The following MCM10 variants were observed in gnomAD, a reference collection of about 807,000 sequenced individuals.
MCM10 encodes the protein protein MCM10 homolog.
Under a neutral mutation model 109.9 loss-of-function variants are expected in MCM10, and 91 were observed. That is an observed-to-expected ratio of 0.83 (90% CI 0.70 to 0.99). The LOEUF (loss-of-function observed/expected upper bound fraction) is 0.99, where lower values mean the gene tolerates loss of function less well. MCM10 is among the 50% of genes least tolerant of loss of function. MCM10 has a pLI of 0.00. For missense variants in MCM10, 1,077 were observed against 1,061.2 expected (o/e 1.01, Z -0.21); for synonymous variants, 380 against 387.2 (o/e 0.98, Z 0.22).
At chr10:13,177,063 A>C (rs571059497) in intron 6 of MCM10, among the ~76,000 whole-genome samples, 1,564 of 152,330 alleles carry the variant, frequency 0.01, 24 homozygotes, top group African/African-American at 0.035. Flanking sequence ...AATTGCCCCC[A>C]CCTGAGATGC....
intron 8 of MCM10, 126 bp downstream of exon 8, chr10:13,183,226 G>C: frequency 9.6e-7 from 1 of 1,044,188 alleles, no homozygotes; most frequent in South Asian, 1.7e-5. Flanking sequence ...GGAGGCCAAA[G>C]CGGGAGGATC....
chr10:13,167,446 G>A (rs1834015942), intron 2 of MCM10, among the ~76,000 whole-genome samples: 1 of 152,184 alleles, frequency 6.6e-6, no homozygotes, highest in Non-Finnish European at 1.5e-5. Context: ...TTGCTGTGAT[G>A]AGTTGGAGTT....
chr10:13,169,972 C>T (rs1268875103), intron 2 of MCM10, among the ~76,000 whole-genome samples: 1 of 152,234 alleles, frequency 6.6e-6, no homozygotes, highest in African/African-American at 2.4e-5. Flanking sequence ...TCCCCAAGTG[C>T]TGGGATTACA....
intron 11 of MCM10, among the ~76,000 whole-genome samples, chr10:13,191,779 G>A (rs1466966885): frequency 6.6e-6 from 1 of 152,092 alleles, no homozygotes; most frequent in Non-Finnish European, 1.5e-5. Context: ...AAATTTCTTG[G>A]TGTATCTGGG....
chr10:13,180,750 G>A (rs1834200154), intron 7 of MCM10, 143 bp downstream of exon 7: 1 of 964,142 alleles, frequency 1.0e-6, no homozygotes, highest in Non-Finnish European at 1.6e-6. Context: ...ACATCATTGA[G>A]TTGGTATCCA....
intron 9 of MCM10, among the ~76,000 whole-genome samples, chr10:13,186,583 G>C (rs1834277163): frequency 6.6e-6 from 1 of 152,114 alleles, no homozygotes; most frequent in African/African-American, 2.4e-5. Flanking sequence ...GAAATACAAT[G>C]AAAATTGTAT....
chr10:13,174,851 G>A (rs180812420), intron 5 of MCM10, among the ~76,000 whole-genome samples: 55 of 152,254 alleles, frequency 3.6e-4, no homozygotes, highest in Middle Eastern at 3.4e-3. Context: ...AATCCTGGCC[G>A]GGGGCGGTGG....
At chr10:13,205,855 G>A (rs1177612628) in intron 18 of MCM10, among the ~76,000 whole-genome samples, 1 of 152,090 alleles carries the variant, frequency 6.6e-6, no homozygotes, top group African/African-American at 2.4e-5. Flanking sequence ...TTTACTTTTG[G>A]GGGCAACATC....
Position 13,182,715 on chromosome 10 carries a change from A to C in MCM10, c.931-218A>C, listed in dbSNP as rs1288046408. On this transcript the variant is annotated intron_variant, in intron 7 of 19. Coordinates refer to ENST00000378714, the MANE Select transcript of MCM10 (RefSeq NM_018518.5). The surrounding 1 kb of genome is among the most constrained non-coding windows in gnomAD (Gnocchi z 4.2). ...GTTTGCCACTGGCTTGCTTTATTTC[A>C]CTTTCATCTCTAAAATGAGAAGGGT... is the stretch of plus-strand genomic sequence containing the variant. 6.6e-6 allele frequency among the ~76,000 whole-genome samples: 1 copy of C among 152,080 alleles called. No individual in the cohort carries two copies. Among genetic ancestry groups the C allele is most frequent in the Non-Finnish European group, 1.5e-5 (1 of 68,010 alleles).
chr10:13,166,145 C>T (rs1833994206), intron 2 of MCM10, among the ~76,000 whole-genome samples: 1 of 151,908 alleles, frequency 6.6e-6, no homozygotes. Context: ...ACTGGGGATT[C>T]AGGAGCCAGA....
chr10:13,197,904 A>T, intron 15 of MCM10, 137 bp downstream of exon 15: 2 of 828,988 alleles, frequency 2.4e-6, no homozygotes, highest in Non-Finnish European at 3.5e-6. Context: ...TAGAATTTCT[A>T]TGGGTGGAAC....
rs1019504232 is a variant in MCM10 at position 13,210,852 on chromosome 10, C to T, written c.*1542C>T. On this transcript the variant is annotated 3_prime_UTR_variant, in exon 20 of 20. Transcript: ENST00000378714. Reference sequence around the variant, plus strand: ...GCTCATTTAGGGTAGATTTATTTATCTCATTAACTTAAAACAGCTATGTGT... The same window carrying T: ...GCTCATTTAGGGTAGATTTATTTATTTCATTAACTTAAAACAGCTATGTGT... The T allele has an allele frequency of 2.0e-5, 3 of 152,126 alleles. No individual in the cohort carries two copies. The highest frequency in any genetic ancestry group is 2.0e-4 in the Admixed American group (3 of 15,250). 9.4% of individuals were successfully genotyped at this position (152,126 alleles called of 1,614,324 possible). A position where few individuals can be genotyped will look rare whatever the true frequency, so the allele number is the denominator to read the frequency against.
intron 2 of MCM10, among the ~76,000 whole-genome samples, chr10:13,165,599 G>C (rs1213875580): frequency 6.6e-6 from 1 of 152,172 alleles, no homozygotes; most frequent in Non-Finnish European, 1.5e-5. Context: ...TTTAGGCTGG[G>C]TGCGGTGGCT....
chr10:13,172,635 TC>T lies in MCM10; in HGVS notation c.466del (p.Arg156GlyfsTer51). On this transcript the variant is annotated frameshift_variant, in exon 5 of 20. Coordinates refer to ENST00000378714, the MANE Select transcript of MCM10 (RefSeq NM_018518.5). LOFTEE classifies it high-confidence loss of function. The surrounding 1 kb of genome is among the most constrained non-coding windows in gnomAD (Gnocchi z 5.2). ...ARLQKSPEKS[P>X]RPPLKERRVQ... Reference sequence around the variant, plus strand: ...TTACTTTTGATTAAGTAGAGAAGTCTCCCCGGCCACCTCTTAAGGAGAGGAG... The same window carrying T: ...TTACTTTTGATTAAGTAGAGAAGTCTCCCGGCCACCTCTTAAGGAGAGGAG... The T allele has an allele frequency of 6.2e-7, 1 of 1,614,098 alleles. No homozygotes were observed.
Position 13,166,655 on chromosome 10 carries a change from TACATAC to T in MCM10, c.7+2448_7+2453del, listed in dbSNP as rs1260619710. ...TGTCTCAAAAAAAAAAAAAAATACATACATACATATATATATATATATATATATATA... is the reference window on the plus strand; with the variant it reads ...TGTCTCAAAAAAAAAAAAAAATACATATATATATATATATATATATATATA... On this transcript the variant is annotated intron_variant, in intron 2 of 19. Coordinates refer to ENST00000378714, the MANE Select transcript of MCM10 (RefSeq NM_018518.5). Among the ~76,000 whole-genome samples, 257 of 93,592 alleles carry T rather than the reference TACATAC, an allele frequency of 2.7e-3. 2 individuals are homozygous for T. The highest frequency in any genetic ancestry group is 0.01 in the African/African-American group (227 of 21,970). The allele number at this position is 93,592 out of a possible 152,430, so 61.4% of individuals were successfully genotyped here.
intron 6 of MCM10, among the ~76,000 whole-genome samples, chr10:13,179,348 T>C (rs542708380): frequency 5.4e-4 from 82 of 152,300 alleles, no homozygotes; most frequent in African/African-American, 1.9e-3. Flanking sequence ...ACCATGGCTG[T>C]GGCCCCCTAC....
intron 15 of MCM10, 36 bp from the exon 16 acceptor site, chr10:13,198,653 C>T (rs755598718): frequency 2.1e-6 from 3 of 1,407,780 alleles, no homozygotes; most frequent in African/African-American, 2.8e-5. Flanking sequence ...TCTGAAATTT[C>T]TTGGTCGCTG....
In MCM10 at chr10:13,189,324, C is replaced by CT. The variant is rs997350838; in HGVS notation, c.1415+260dup. On this transcript the variant is annotated intron_variant, in intron 10 of 19. Transcript: ENST00000378714. ...AAGAGAGCCCACTCTTCCTCTTCAA[C>CT]TTTTTTTTTTTTTTTTGAGACGGAG... 6.3e-3 allele frequency among the ~76,000 whole-genome samples: 903 copies of CT among 142,974 alleles called. 8 individuals are homozygous for CT. Among genetic ancestry groups the CT allele is most frequent in the African/African-American group, 0.015 (602 of 39,230 alleles). The allele number at this position is 142,974 out of a possible 152,430, so 93.8% of individuals were successfully genotyped here.
At chr10:13,199,192 G>A (rs574695476) in intron 16 of MCM10, among the ~76,000 whole-genome samples, 8 of 152,334 alleles carry the variant, frequency 5.3e-5, no homozygotes, top group Non-Finnish European at 7.3e-5. Context: ...CACCATGCCC[G>A]TACCCAGCCA....
Sources: gnomAD v4.1 joint callset for allele counts (sites outside exome capture counted in the v4.1 genomes callset) on GRCh38, gnomAD v4.1.1 for gene constraint, Gnocchi (gnomAD v3.1) non-coding constraint, MANE v1.5 for transcripts, NCBI Gene and HGNC (gene_info 2026-07-23, HGNC 2026-07-21) for gene names.